Variants in GPRC5D observed in about 807,000 individuals in gnomAD.
GPRC5D encodes the protein G protein-coupled receptor class C group 5 member D.
GPRC5D carries 20 observed loss-of-function variants against 29.3 expected under a neutral mutation model. That is an observed-to-expected ratio of 0.68 (90% CI 0.48 to 0.99). The LOEUF (loss-of-function observed/expected upper bound fraction) is 0.99. Ranked by LOEUF, GPRC5D falls within the 50% of genes least tolerant of loss-of-function variation. The pLI is 0.00. For missense variants in GPRC5D, 384 were observed against 423.6 expected, an observed-to-expected ratio of 0.91 and a Z score of 0.82; for synonymous variants, 178 against 171.3, an observed-to-expected ratio of 1.04 and a Z score of -0.30.
chr12:12,948,055 C>T (rs929913046), intron 1 of GPRC5D: 4 of 152,126 alleles, frequency 2.6e-5, no homozygotes, highest in African/African-American at 7.2e-5. Context: ...GATACTCCTT[C>T]GAGCCCGTTC....
At chr12:12,949,188 A>G (rs372231664) in intron 1 of GPRC5D, among the ~76,000 whole-genome samples, 2 of 152,344 alleles carry the variant, frequency 1.3e-5, no homozygotes, top group South Asian at 2.1e-4. Context: ...CTCATTTTAT[A>G]GTGGATGCCT....
In GPRC5D at chr12:12,948,881, G is replaced by C. The variant is rs186613860; in HGVS notation, c.895+609C>G. Reference sequence around the variant, plus strand: ...GATCACACATCTGAGTCTTTACTCAGAATTAGGATATAATGGCTCTTCCTC... The same window carrying C: ...GATCACACATCTGAGTCTTTACTCACAATTAGGATATAATGGCTCTTCCTC... On this transcript the variant is annotated intron_variant, in intron 1 of 2. Coordinates refer to ENST00000228887, the Ensembl canonical transcript of GPRC5D. 2.6e-5 allele frequency among the ~76,000 whole-genome samples: 4 copies of C among 152,258 alleles called. No individual in the cohort carries two copies. In the East Asian group the frequency reaches 5.8e-4, roughly 22 times the overall value.
At chr12:12,946,304 C>T (rs200917268) in intron 1 of GPRC5D, among the ~76,000 whole-genome samples, 2,222 of 21,424 alleles carry the variant, frequency 0.1, 24 homozygotes, top group East Asian at 0.17. Flanking sequence ...TCCTTCCTTC[C>T]TTCCTTTTCT....
intron 1 of GPRC5D, among the ~76,000 whole-genome samples, 191 bp from the exon 3 acceptor site, chr12:12,942,519 G>C (rs1056886923): frequency 1.3e-5 from 2 of 152,198 alleles, no homozygotes; most frequent in African/African-American, 2.4e-5. Context: ...CGGATCACTT[G>C]AGGTCAGGAG....
upstream of GPRC5D, among the ~76,000 whole-genome samples, chr12:12,950,823 G>A (rs1397998469): frequency 6.8e-6 from 1 of 147,926 alleles, no homozygotes; most frequent in Non-Finnish European, 1.5e-5. Context: ...CAAAAAACAA[G>A]GCAGGGTACA....
chr12:12,944,842 C>CTTCT (rs1863253022), intron 1 of GPRC5D, among the ~76,000 whole-genome samples: 1 of 24,674 alleles, frequency 4.1e-5, no homozygotes, highest in Non-Finnish European at 9.8e-5. Flanking sequence ...TCCTTCCTTC[C>CTTCT]TTCCTTCCTT....
At chr12:12,942,127 T>C (rs1863166933) in intron 2 of GPRC5D, 134 bp downstream of exon 3, 1 of 687,344 alleles carries the variant, frequency 1.5e-6, no homozygotes, top group African/African-American at 1.8e-5. Flanking sequence ...AAGCTCCACA[T>C]GCCTTTAGGG....
chr12:12,941,045 G>A (rs976831425), intron 2 of GPRC5D, among the ~76,000 whole-genome samples, 196 bp from the exon 4 acceptor site: 3 of 152,118 alleles, frequency 2.0e-5, no homozygotes, highest in Non-Finnish European at 4.4e-5. Flanking sequence ...CTGAGTAACT[G>A]AAATTACAGG....
chr12:12,950,411 A>G (rs535258287), upstream of GPRC5D: 14 of 1,514,548 alleles, frequency 9.2e-6, no homozygotes, highest in African/African-American at 1.4e-5. Flanking sequence ...GGACCTCACC[A>G]GAATGGTTTT....
chr12:12,949,635 T>C (rs146025174), exon 1 of GPRC5D: 2 of 1,614,160 alleles, frequency 1.2e-6, no homozygotes, highest in East Asian at 2.2e-5. Flanking sequence ...GGAAAACCCA[T>C]GCGTTGGTGA....
chr12:12,940,622 G>A (rs893797093), downstream of GPRC5D, among the ~76,000 whole-genome samples: 2 of 152,210 alleles, frequency 1.3e-5, no homozygotes, highest in Non-Finnish European at 2.9e-5. Context: ...TGGTCTTCTG[G>A]TGGAGGGTCC....
At chr12:12,949,862 C>A in exon 1 of GPRC5D, 1 of 1,614,138 alleles carries the variant, frequency 6.2e-7, no homozygotes, top group Non-Finnish European at 8.5e-7. Context: ...AGGACATAGA[C>A]CAGGAGTACA....
At chr12:12,944,830 C>T (rs1285636835) in intron 1 of GPRC5D, among the ~76,000 whole-genome samples, 9,309 of 19,902 alleles carry the variant, frequency 0.47, 3,025 homozygotes, top group Non-Finnish European at 0.66. Flanking sequence ...TCCTTCCTTC[C>T]TTCCTTCCTT....
intron 1 of GPRC5D, chr12:12,944,245 G>A (rs1218667722): frequency 6.6e-6 from 1 of 152,204 alleles, no homozygotes; most frequent in East Asian, 1.9e-4. Context: ...AGGACCACAG[G>A]TGTGTGCCAC....
chr12:12,950,660 A>T (rs1863472862), upstream of GPRC5D, among the ~76,000 whole-genome samples: 1 of 151,788 alleles, frequency 6.6e-6, no homozygotes, highest in East Asian at 1.9e-4. Context: ...TACAAAGATT[A>T]GCCGGGTGTG....
At chr12:12,944,820 TC>T (rs1565477084) in intron 1 of GPRC5D, among the ~76,000 whole-genome samples, 7 of 14,008 alleles carry the variant, frequency 5.0e-4, no homozygotes, top group Admixed American at 1.5e-3. Flanking sequence ...CTTCCTTCCT[TC>T]CTTCCTTCCT....
upstream of GPRC5D, among the ~76,000 whole-genome samples, chr12:12,951,450 T>C (rs990311359): frequency 2.8e-4 from 43 of 152,194 alleles, no homozygotes; most frequent in African/African-American, 9.6e-4. Context: ...CCCAAATTTA[T>C]AGCAGTTTTA....
exon 1 of GPRC5D, chr12:12,949,492 C>G: frequency 6.2e-7 from 1 of 1,611,876 alleles, no homozygotes; most frequent in Non-Finnish European, 8.5e-7. Flanking sequence ...GAATGTACCT[C>G]TGGAGAGCTC....
chr12:12,942,244 T>C lies in GPRC5D; in HGVS notation c.963+17A>G. The C allele has an allele frequency of 1.9e-6, 3 of 1,542,020 alleles. 1 individual carries two copies. The highest frequency in any genetic ancestry group is 2.7e-5 in the African/African-American group (2 of 73,592). ...TTGCTAAGTCCCTCCTGGGTGAATA[T>C]AGGCGAGTACATTTACCTGCGGCTG... On this transcript the variant is annotated intron_variant, in intron 2 of 2. Coordinates refer to ENST00000228887, the Ensembl canonical transcript of GPRC5D.
Sources: allele counts gnomAD v4.1 joint callset (sites outside exome capture counted in the v4.1 genomes callset), GRCh38; gene constraint gnomAD v4.1.1; transcripts MANE v1.5; gene names NCBI Gene and HGNC (gene_info 2026-07-23, HGNC 2026-07-21).